The following COL7A1 variants were observed in gnomAD, a reference collection of about 807,000 sequenced individuals.
The protein encoded by COL7A1 is collagen alpha-1(VII) chain.
A neutral mutation model predicts 456.2 loss-of-function variants in COL7A1; 296 were observed. The observed-to-expected ratio is 0.65, with a 90% CI of 0.59 to 0.71. The LOEUF is 0.71. COL7A1 is among the 30% of genes least tolerant of loss of function. The pLI is 0.00. For missense variants in COL7A1, 3,441 were observed against 4,017.2 expected (o/e 0.86, Z 3.88); for synonymous variants, 1,464 against 1,525.9 (o/e 0.96, Z 0.95).
chr3:48,583,729 TC>T lies in COL7A1; in HGVS notation c.4329del (p.Gly1445GlufsTer265). The T allele has an allele frequency of 6.2e-7, 1 of 1,613,988 alleles. No homozygotes were observed. Among genetic ancestry groups the T allele is most frequent in the East Asian group, 2.2e-5 (1 of 44,880 alleles). On this transcript the variant is annotated frameshift_variant, in exon 40 of 119. Transcript: ENST00000681320. LOFTEE classifies it high-confidence loss of function. The surrounding 1 kb of genome is among the most constrained non-coding windows in gnomAD (Gnocchi z 5.1). ...GPQGPVGPPG[K>X]KGEKGDSEDG... ...GTCAGCCTTCCTACTTTTTCTCCTT[TC>T]TTTCCAGGGGGGCCAACGGGGCCTT...
intron 65 of COL7A1, among the ~76,000 whole-genome samples, chr3:48,577,416 C>T (rs1180203740): frequency 1.3e-5 from 2 of 152,204 alleles, no homozygotes; most frequent in African/African-American, 4.8e-5. Context: ...TGCATATGGG[C>T]ATGGGCTTAT....
rs891410901 is a variant in COL7A1, at chr3:48,589,315, G to C, written c.2314+12C>G. On this transcript the variant is annotated intron_variant, in intron 18 of 118. Transcript: ENST00000681320. ...ATGCGGTGTGGCTAGTAGCTGGCCA[G>C]GGTCCACTCACCAGTCCTCACAACC... 9.3e-6 allele frequency: 15 copies of C among 1,612,080 alleles called. No homozygotes were observed. Among genetic ancestry groups the C allele is most frequent in the Non-Finnish European group, 1.2e-5 (14 of 1,179,962 alleles).
Position 48,569,027 on chromosome 3 carries a change from C to T in COL7A1, c.7687-172G>A, listed in dbSNP as rs2043755228. Among the ~76,000 whole-genome samples the T allele has an allele frequency of 2.0e-5, 3 of 152,140 alleles. No individual in the cohort carries two copies. Among genetic ancestry groups the T allele is most frequent in the Non-Finnish European group, 4.4e-5 (3 of 68,004 alleles). On this transcript the variant is annotated intron_variant, in intron 103 of 118. Transcript: ENST00000681320. The surrounding 1 kb of genome is among the most constrained non-coding windows in gnomAD (Gnocchi z 4.9). ...GGAACTGGGGGCTGTAGTCCACAGA[C>T]TGGCTCATTTCTCACCCCAAGGACT...
Position 48,585,652 on chromosome 3 carries a change from C to T in COL7A1, c.3832-33G>A. On this transcript the variant is annotated intron_variant, in intron 31 of 118. Transcript: ENST00000681320. The surrounding 1 kb of genome is among the most constrained non-coding windows in gnomAD (Gnocchi z 4.5). ...AAGATAGCAGTTAGGTGGGGATAAGCCAGTCAGGGTGCAGGGACAGATGTG... is the reference window on the plus strand; with the variant it reads ...AAGATAGCAGTTAGGTGGGGATAAGTCAGTCAGGGTGCAGGGACAGATGTG... The T allele has an allele frequency of 6.2e-7, 1 of 1,614,032 alleles. No individual in the cohort carries two copies. Among genetic ancestry groups the T allele is most frequent in the Non-Finnish European group, 8.5e-7 (1 of 1,180,010 alleles).
rs773929598 is a variant in COL7A1 at position 48,593,486 on chromosome 3, G to A, written c.427-37C>T. 6.2e-7 allele frequency: 1 copy of A among 1,614,012 alleles called. No homozygotes were observed. The highest frequency in any genetic ancestry group is 1.1e-5 in the South Asian group (1 of 91,078). On this transcript the variant is annotated intron_variant, in intron 4 of 118. Transcript: ENST00000681320. This position sits in a 1 kb window ranked among gnomAD's most constrained non-coding sequence, Gnocchi z 4.4. ...GCAGGGGTCAAATCACGGTTCCCCT[G>A]GACACTTCATTTGGGGTCATCTTGG...
In COL7A1 at chr3:48,566,914, C is replaced by T. The variant is rs745691610; in HGVS notation, c.8219G>A (p.Gly2740Asp). The T allele has an allele frequency of 1.9e-6, 3 of 1,603,410 alleles. No individual in the cohort carries two copies. The highest frequency in any genetic ancestry group is 2.2e-5 in the South Asian group (2 of 90,252). ...VGPRGPEGLQ[G>D]QKGERGPPGE... ...AGAGCTGGGGCCCCTTACCTTCTGG[C>T]CCTGAAGTCCTTCGGGGCCTCTGGG... Residue 2740 changes from glycine to aspartate, a missense_variant, in exon 111 of 119, where the codon GGC becomes GAC. Physicochemically the swap from Gly to Asp is moderately conservative, Grantham distance 94 (BLOSUM62 -1). This residue lies in a region of COL7A1 where 2,084 missense variants were observed against 2,501.3 expected (regional missense o/e 0.83). Coordinates refer to ENST00000681320, the MANE Select transcript of COL7A1 (RefSeq NM_000094.4). This position sits in a 1 kb window ranked among gnomAD's most constrained non-coding sequence, Gnocchi z 5.9.
Position 48,590,232 on chromosome 3 carries a change from T to C in COL7A1, c.2031A>G (p.Ala677=). ...CCTGACCCGTTCGAGCCACGATGACTGCAGCAGGGCCCTCCTCTCTGCCTC... is the reference window on the plus strand; with the variant it reads ...CCTGACCCGTTCGAGCCACGATGACCGCAGCAGGGCCCTCCTCTCTGCCTC... ...VLRGREEGPA[A]VIVARTDPLG... The change falls in exon 16 of 119, where the codon GCA becomes GCG. Residue 677 remains alanine (A), a synonymous_variant. Transcript: ENST00000681320. The surrounding 1 kb of genome is among the most constrained non-coding windows in gnomAD (Gnocchi z 4.6). 1 of 1,613,554 alleles carries C rather than the reference T, an allele frequency of 6.2e-7. No homozygotes were observed. The highest frequency in any genetic ancestry group is 1.1e-5 in the South Asian group (1 of 91,066).
In COL7A1 at chr3:48,576,305, A is replaced by T; in HGVS notation, c.5773-9T>A. The T allele has an allele frequency of 6.2e-7, 1 of 1,613,814 alleles. No individual in the cohort carries two copies. Among genetic ancestry groups the T allele is most frequent in the South Asian group, 1.1e-5 (1 of 91,070 alleles). On this transcript the variant is annotated splice_polypyrimidine_tract_variant and intron_variant, in intron 70 of 118. Coordinates refer to ENST00000681320, the MANE Select transcript of COL7A1 (RefSeq NM_000094.4). ...CGCTCTCCAGGGAGGCCCTGGAGAGATGAAGACAAACTGCTAGGAACCAGC... is the reference window on the plus strand; with the variant it reads ...CGCTCTCCAGGGAGGCCCTGGAGAGTTGAAGACAAACTGCTAGGAACCAGC...
chr3:48,569,966 C>T lies in COL7A1; in HGVS notation c.7486-51G>A, dbSNP rs574790208. The stretch of plus-strand genomic sequence containing the variant: ...CTACAGGAACCAGGGCAGTGGAGGA[C>T]GGAGGAGGATCAGGGGGAGGAGGGA... On this transcript the variant is annotated intron_variant, in intron 99 of 118. Coordinates refer to ENST00000681320, the MANE Select transcript of COL7A1 (RefSeq NM_000094.4). The surrounding 1 kb of genome is among the most constrained non-coding windows in gnomAD (Gnocchi z 4.9). 83 of 1,611,712 alleles carry T rather than the reference C, an allele frequency of 5.1e-5. No individual in the cohort carries two copies. The highest frequency in any genetic ancestry group is 8.3e-5 in the Admixed American group (5 of 59,912).
Position 48,586,013 on chromosome 3 carries a change from A to G in COL7A1, c.3724-38T>C. On this transcript the variant is annotated intron_variant, in intron 28 of 118. Coordinates refer to ENST00000681320, the MANE Select transcript of COL7A1 (RefSeq NM_000094.4). The surrounding 1 kb of genome is among the most constrained non-coding windows in gnomAD (Gnocchi z 5.1). ...GGTCTCTTTGAGGTTGAACATTTCT[A>G]CCAAGAACCCCCAGACCCCTTATAT... The G allele has an allele frequency of 3.1e-6, 5 of 1,613,532 alleles. No homozygotes were observed. Among genetic ancestry groups the G allele is most frequent in the Non-Finnish European group, 4.2e-6 (5 of 1,179,982 alleles).
Position 48,580,966 on chromosome 3 carries a change from A to G in COL7A1, c.4936-40T>C. On this transcript the variant is annotated intron_variant, in intron 53 of 118. Coordinates refer to ENST00000681320, the MANE Select transcript of COL7A1 (RefSeq NM_000094.4). The surrounding 1 kb of genome is among the most constrained non-coding windows in gnomAD (Gnocchi z 4.5). ...AAAAGTCATACTGCACAGGGCAGTCAGGATCTAACTCACTCAGGGAGAGGG... is the reference window on the plus strand; with the variant it reads ...AAAAGTCATACTGCACAGGGCAGTCGGGATCTAACTCACTCAGGGAGAGGG... 1.2e-6 allele frequency: 2 copies of G among 1,612,958 alleles called. No individual in the cohort carries two copies. The highest frequency in any genetic ancestry group is 1.7e-6 in the Non-Finnish European group (2 of 1,179,272).
rs1371665355 is a variant in COL7A1 at position 48,566,983 on chromosome 3, T to C, written c.8150A>G (p.Asn2717Ser). Residue 2717 changes from asparagine to serine, a missense_variant, in exon 111 of 119, where the codon AAT becomes AGT. Physicochemically the swap from Asn to Ser is conservative, Grantham distance 46. Around this residue, in one of 3 missense-constraint regions of COL7A1, gnomAD observed 2,084 missense variants for 2,501.3 expected, o/e 0.83. Coordinates refer to ENST00000681320, the MANE Select transcript of COL7A1 (RefSeq NM_000094.4). The surrounding 1 kb of genome is among the most constrained non-coding windows in gnomAD (Gnocchi z 5.9). ...GIGGFPGPSGNDGSAGPPGPP... is the reference protein window; with the variant it reads ...GIGGFPGPSGSDGSAGPPGPP... Reference sequence around the variant, plus strand: ...CCCTGGGGGACCAGCAGAGCCATCATTTCCACTGGGGCCTGGGAAGCCCCC... The same window carrying C: ...CCCTGGGGGACCAGCAGAGCCATCACTTCCACTGGGGCCTGGGAAGCCCCC... The C allele has an allele frequency of 6.2e-7, 1 of 1,611,684 alleles. No homozygotes were observed. The highest frequency in any genetic ancestry group is 1.3e-5 in the African/African-American group (1 of 74,748).
Position 48,574,531 on chromosome 3 carries a change from C to T in COL7A1, c.6413G>A (p.Gly2138Glu). The change falls in exon 79 of 119, where the codon GGA becomes GAA. Residue 2138 changes from glycine to glutamate, a missense_variant. This residue lies in a region of COL7A1 where 2,084 missense variants were observed against 2,501.3 expected (regional missense o/e 0.83). Transcript: ENST00000681320. The surrounding 1 kb of genome is among the most constrained non-coding windows in gnomAD (Gnocchi z 5.0). ...CCTCGGTCCAGGCTCTCCCCGGTCT[C>T]CTTTGATGCCTGGCACACCCTGAAG... ...KGDRGVPGIK[G>E]DRGEPGPRGQ... 3 of 1,614,048 alleles carry T rather than the reference C, an allele frequency of 1.9e-6. No individual in the cohort carries two copies. Among genetic ancestry groups the T allele is most frequent in the South Asian group, 2.2e-5 (2 of 91,088 alleles).
chr3:48,570,725 G>T lies in COL7A1; in HGVS notation c.7273-15C>A. On this transcript the variant is annotated splice_polypyrimidine_tract_variant and intron_variant, in intron 95 of 118. Coordinates refer to ENST00000681320, the MANE Select transcript of COL7A1 (RefSeq NM_000094.4). The surrounding 1 kb of genome is among the most constrained non-coding windows in gnomAD (Gnocchi z 5.5). ...CCTGCCAGACCCTACCAGAAAAATG[G>T]GGCAAGAGAGGCAGAGAGTGACTTG... is the stretch of plus-strand genomic sequence containing the variant. 1 of 1,568,960 alleles carries T rather than the reference G, an allele frequency of 6.4e-7. No individual in the cohort carries two copies. The highest frequency in any genetic ancestry group is 2.4e-5 in the East Asian group (1 of 42,404).
Position 48,583,153 on chromosome 3 carries a change from C to G in COL7A1, c.4456G>C (p.Gly1486Arg). The change falls in exon 43 of 119, where the codon GGG becomes CGG. Residue 1486 changes from glycine to arginine, a missense_variant. By Grantham distance (125) the Gly-to-Arg change is moderately radical. Transcript: ENST00000681320. This position sits in a 1 kb window ranked among gnomAD's most constrained non-coding sequence, Gnocchi z 5.1. ...IGPKGDRGFP[G>R]PLGEAGEKGE... is the part of the protein sequence containing the mutation. ...TTCTCTCCAGCCTCACCCAGGGGCCCTGGAAAGCCCCGGTCACCCTGAAGA... is the reference window on the plus strand; with the variant it reads ...TTCTCTCCAGCCTCACCCAGGGGCCGTGGAAAGCCCCGGTCACCCTGAAGA... The G allele has an allele frequency of 6.2e-7, 1 of 1,613,930 alleles. No homozygotes were observed. The highest frequency in any genetic ancestry group is 1.1e-5 in the South Asian group (1 of 91,078).
chr3:48,587,857 G>C lies in COL7A1; in HGVS notation c.2793C>G (p.Arg931=). ...CTGGCCCTAGGACACTCAGCCTCAC[G>C]CGGTACTGTGTCGCTGGCTCCAGCC... is the stretch of plus-strand genomic sequence containing the variant. ...LDGLEPATQY[R]VRLSVLGPAG... The change falls in exon 22 of 119, where the codon CGC becomes CGG. Residue 931 remains arginine (R), a synonymous_variant. Transcript: ENST00000681320. The surrounding 1 kb of genome is among the most constrained non-coding windows in gnomAD (Gnocchi z 6.1). 2 of 1,613,122 alleles carry C rather than the reference G, an allele frequency of 1.2e-6. No individual in the cohort carries two copies. The highest frequency in any genetic ancestry group is 1.1e-5 in the South Asian group (1 of 91,022).
In COL7A1 at chr3:48,566,452, G is replaced by T; in HGVS notation, c.8358+58C>A. ...CAGGGTGCTGGGTGAGGGAGGTAGG[G>T]CCCCAGCCCACCCAGGCCCACCCAG... On this transcript the variant is annotated intron_variant, in intron 113 of 118. Transcript: ENST00000681320. This position sits in a 1 kb window ranked among gnomAD's most constrained non-coding sequence, Gnocchi z 5.9. 3.1e-6 allele frequency: 5 copies of T among 1,609,866 alleles called. No individual in the cohort carries two copies. The highest frequency in any genetic ancestry group is 3.4e-6 in the Non-Finnish European group (4 of 1,176,874).
In COL7A1 at chr3:48,590,108, G is replaced by A. The variant is rs77295592; in HGVS notation, c.2050+105C>T. 1.6e-5 allele frequency: 20 copies of A among 1,275,138 alleles called. No homozygotes were observed. Among genetic ancestry groups the A allele is most frequent in the Non-Finnish European group, 2.1e-5 (19 of 910,564 alleles). 79.0% of individuals were successfully genotyped at this position (1,275,138 alleles called of 1,614,324 possible). On this transcript the variant is annotated intron_variant, in intron 16 of 118. Coordinates refer to ENST00000681320, the MANE Select transcript of COL7A1 (RefSeq NM_000094.4). The surrounding 1 kb of genome is among the most constrained non-coding windows in gnomAD (Gnocchi z 4.6). ...GGGAGGAGGGAGTGGGATTCTGAAGGGGGAGGCAGGAGTTCTGGGGAGAAG... is the reference window on the plus strand; with the variant it reads ...GGGAGGAGGGAGTGGGATTCTGAAGAGGGAGGCAGGAGTTCTGGGGAGAAG...
At position 48,592,657 on chromosome 3, in the gene COL7A1, G is replaced by A; in HGVS notation, c.889C>T (p.Leu297Phe). Reference protein sequence around the residue: ...AGETSVRLRGLRPLTEYQVTV... With the variant: ...AGETSVRLRGFRPLTEYQVTV... ...ACTTGGTACTCGGTCAGTGGCCGGA[G>A]ACCCCGCAGCCGCACACTGGTCTCA... is the stretch of plus-strand genomic sequence containing the variant. Residue 297 changes from leucine to phenylalanine, a missense_variant, in exon 8 of 119, where the codon CTC (leucine) becomes TTC (phenylalanine). This residue lies in a region of COL7A1 where 913 missense variants were observed against 1,088.2 expected (regional missense o/e 0.84). Coordinates refer to ENST00000681320, the MANE Select transcript of COL7A1 (RefSeq NM_000094.4). The surrounding 1 kb of genome is among the most constrained non-coding windows in gnomAD (Gnocchi z 7.6). 2 of 1,613,806 alleles carry A rather than the reference G, an allele frequency of 1.2e-6. No individual in the cohort carries two copies. The highest frequency in any genetic ancestry group is 1.7e-6 in the Non-Finnish European group (2 of 1,179,992).
Sources: allele counts gnomAD v4.1 joint callset (sites outside exome capture counted in the v4.1 genomes callset), GRCh38; gene constraint gnomAD v4.1.1; regional missense constraint gnomAD v4.1.1; non-coding constraint Gnocchi (gnomAD v3.1); transcripts MANE v1.5; gene names NCBI Gene and HGNC (gene_info 2026-07-23, HGNC 2026-07-21).